COL21A1: variants seen among roughly 807,000 people sequenced by gnomAD.
COL21A1 encodes collagen alpha-1(XXI) chain.
COL21A1 carries 149 observed loss-of-function variants against 137.9 expected under a neutral mutation model. The observed-to-expected ratio is 1.08, with a 90% confidence interval of 0.95 to 1.24. COL21A1 has a LOEUF of 1.24. Among genes scored for constraint, COL21A1 ranks in the 50% most tolerant of loss-of-function variants. The probability of loss-of-function intolerance (pLI) is 0.00; values close to 1 mark genes in which losing one functional copy is unlikely to be tolerated. For missense variants in COL21A1, 1,167 were observed against 1,158.4 expected (o/e 1.01, Z -0.11); for synonymous variants, 456 against 391.5 (o/e 1.16, Z -1.95).
intron 16 of COL21A1, among the ~76,000 whole-genome samples, chr6:56,105,964 A>G (rs1770848305): frequency 6.6e-6 from 1 of 152,226 alleles, no homozygotes; most frequent in African/African-American, 2.4e-5. Context: ...TGCAAATTCC[A>G]GTGTTGAGTA....
At chr6:56,221,551 T>A (rs895377187) in intron 1 of COL21A1, among the ~76,000 whole-genome samples, 4 of 151,994 alleles carry the variant, frequency 2.6e-5, no homozygotes, top group Non-Finnish European at 5.9e-5. Flanking sequence ...GGCAAGACCC[T>A]GCCTCTATAA....
chr6:56,351,338 G>A (rs369881804), intron 1 of COL21A1, among the ~76,000 whole-genome samples: 20 of 152,344 alleles, frequency 1.3e-4, no homozygotes, highest in African/African-American at 4.6e-4. Context: ...AAAGAGTACG[G>A]GGAGGGGGAA....
chr6:56,066,794 A>T (rs1460196762), intron 23 of COL21A1, among the ~76,000 whole-genome samples: 2 of 151,616 alleles, frequency 1.3e-5, no homozygotes, highest in East Asian at 3.9e-4. Flanking sequence ...CCCAAAACTA[A>T]ATATCTTTCT....
intron 20 of COL21A1, among the ~76,000 whole-genome samples, chr6:56,071,009 T>C (rs1766698062): frequency 6.6e-6 from 1 of 151,548 alleles, no homozygotes; most frequent in Admixed American, 6.6e-5. Flanking sequence ...TAAGCCTCTC[T>C]AAAAACCTGT....
chr6:56,310,267 G>C (rs1183464520), intron 1 of COL21A1, among the ~76,000 whole-genome samples: 1 of 152,154 alleles, frequency 6.6e-6, no homozygotes, highest in Non-Finnish European at 1.5e-5. Context: ...GGAAGACCTG[G>C]GTGCCTATCT....
intron 1 of COL21A1, among the ~76,000 whole-genome samples, chr6:56,349,318 T>G (rs755475505): frequency 2.0e-5 from 3 of 148,662 alleles, no homozygotes; most frequent in African/African-American, 4.9e-5. Context: ...AAAGAAAGCT[T>G]GGCTAAACCA....
intron 1 of COL21A1, among the ~76,000 whole-genome samples, chr6:56,349,210 T>A (rs1333507952): frequency 6.6e-6 from 1 of 152,152 alleles, no homozygotes; most frequent in Non-Finnish European, 1.5e-5. Flanking sequence ...AGACGGGAAA[T>A]TTATGGTTGG....
intron 17 of COL21A1, among the ~76,000 whole-genome samples, chr6:56,100,139 G>A (rs1582352864): frequency 6.6e-6 from 1 of 152,322 alleles, no homozygotes; most frequent in East Asian, 1.9e-4. Flanking sequence ...CTTCTCTGCA[G>A]ATTCAGGACC....
intron 21 of COL21A1, among the ~76,000 whole-genome samples, chr6:56,069,721 T>C (rs1766578724): frequency 6.6e-6 from 1 of 150,668 alleles, no homozygotes; most frequent in Non-Finnish European, 1.5e-5. Flanking sequence ...TGCTATCATA[T>C]TTTTCATAAC....
chr6:56,300,824 T>C (rs558598461), intron 1 of COL21A1, among the ~76,000 whole-genome samples: 1 of 152,306 alleles, frequency 6.6e-6, no homozygotes, highest in East Asian at 1.9e-4. Flanking sequence ...GATTGACTGG[T>C]GAAGACTTCA....
chr6:56,246,207 T>C (rs1782631109), intron 1 of COL21A1, among the ~76,000 whole-genome samples: 2 of 152,160 alleles, frequency 1.3e-5, no homozygotes, highest in Admixed American at 6.5e-5. Context: ...TCAACTACTT[T>C]AGGAAAAGAC....
intron 7 of COL21A1, among the ~76,000 whole-genome samples, chr6:56,165,044 G>A (rs1272762338): frequency 1.3e-5 from 2 of 151,928 alleles, no homozygotes; most frequent in Non-Finnish European, 2.9e-5. Flanking sequence ...ATTTTTTTAA[G>A]GTGAGTAGAA....
intron 12 of COL21A1, among the ~76,000 whole-genome samples, chr6:56,134,166 C>T (rs1479838139): frequency 2.6e-5 from 4 of 152,190 alleles, no homozygotes; most frequent in African/African-American, 9.6e-5. Flanking sequence ...GAGAGGGAGG[C>T]TGTACCCTGC....
chr6:56,098,296 T>C (rs191001024), intron 17 of COL21A1, among the ~76,000 whole-genome samples: 935 of 42,738 alleles, frequency 0.022, 133 homozygotes, highest in Non-Finnish European at 0.03. Flanking sequence ...AATATATAAA[T>C]ACATATGTAA....
At chr6:56,204,805 T>A (rs1160343024) in intron 1 of COL21A1, among the ~76,000 whole-genome samples, 1 of 152,162 alleles carries the variant, frequency 6.6e-6, no homozygotes, top group African/African-American at 2.4e-5. Flanking sequence ...TTTTTGCTGT[T>A]CTGTAGCGTC....
chr6:56,369,223 GGAAGGACTTACCCTA>G (rs1766169303), intron 1 of COL21A1, among the ~76,000 whole-genome samples: 1 of 151,900 alleles, frequency 6.6e-6, no homozygotes, highest in Non-Finnish European at 1.5e-5. Flanking sequence ...AGTAAAAAGT[GGAAGGACTTACCCTA>G]GAAGATAATG....
chr6:56,086,349 C>T (rs1328964790), intron 17 of COL21A1, among the ~76,000 whole-genome samples: 1 of 152,076 alleles, frequency 6.6e-6, no homozygotes, highest in Non-Finnish European at 1.5e-5. Context: ...TAAATTTTGA[C>T]TCCCCCAAAA....
intron 9 of COL21A1, among the ~76,000 whole-genome samples, chr6:56,158,746 T>C (rs1775976600): frequency 6.6e-6 from 1 of 152,058 alleles, no homozygotes. Flanking sequence ...TGAACTCTAA[T>C]AAGGAACCAA....
At chr6:56,253,708 T>G (rs1387997427) in intron 1 of COL21A1, among the ~76,000 whole-genome samples, 1 of 152,238 alleles carries the variant, frequency 6.6e-6, no homozygotes, top group Non-Finnish European at 1.5e-5. Flanking sequence ...ATTCAGATAC[T>G]GAAAGACTCT....
Sources: allele counts gnomAD v4.1 joint callset (sites outside exome capture counted in the v4.1 genomes callset), GRCh38; gene constraint gnomAD v4.1.1; transcripts MANE v1.5; gene names NCBI Gene and HGNC (gene_info 2026-07-23, HGNC 2026-07-21).